PKD1L1: variants seen among roughly 807,000 people sequenced by gnomAD.
The protein encoded by PKD1L1 is polycystin-1-like protein 1.
PKD1L1 carries 236 observed loss-of-function variants against 323.4 expected under a neutral mutation model. That is an observed-to-expected ratio of 0.73 (90% CI 0.66 to 0.81). The LOEUF (loss-of-function observed/expected upper bound fraction) is 0.81, where lower values mean the gene tolerates loss of function less well. Ranked by LOEUF, PKD1L1 falls within the 40% of genes least tolerant of loss-of-function variation. The pLI, the probability that PKD1L1 is intolerant of heterozygous loss-of-function variation, is 0.00. For synonymous variants in PKD1L1, 1,344 were observed against 1,335.0 expected (o/e 1.01, Z -0.15); for missense variants, 3,320 against 3,508.0 (o/e 0.95, Z 1.35).
intron 4 of PKD1L1, among the ~76,000 whole-genome samples, chr7:47,936,395 A>C (rs1787867555): frequency 6.6e-6 from 1 of 152,126 alleles, no homozygotes; most frequent in Non-Finnish European, 1.5e-5. Flanking sequence ...TACTCTAGGG[A>C]CCTCGCATAA....
At chr7:47,957,867 A>ATATATATATATATATATATATATC in the PKD1L1 span, among the ~76,000 whole-genome samples, 1 of 147,558 alleles carries the variant, frequency 6.8e-6, no homozygotes, top group Non-Finnish European at 1.5e-5. Context: ...AAAAAAATAT[A>ATATATATATATATATATATATATC]TATATATATA....
rs377299082 is a variant in PKD1L1, at chr7:47,813,927, T to C, written c.7173+4A>G. The stretch of plus-strand genomic sequence containing the variant: ...TGGAAGCAAAAGGAAAAGGAACATC[T>C]TACCTTGCATAAATGCCTAGGAAAA... On this transcript the variant is annotated splice_donor_region_variant and intron_variant, in intron 48 of 56. Coordinates refer to ENST00000289672, the MANE Select transcript of PKD1L1 (RefSeq NM_138295.5). The C allele has an allele frequency of 6.0e-5, 97 of 1,611,792 alleles. No individual in the cohort carries two copies. Among genetic ancestry groups the C allele is most frequent in the Non-Finnish European group, 8.0e-5 (94 of 1,177,996 alleles).
chr7:47,827,414 T>G lies in PKD1L1; in HGVS notation c.6790A>C (p.Lys2264Gln), dbSNP rs748417163. ...TGTCTGGTGCCCCTCAGCTGGGCCT[T>G]GGATGGTGGATGCGCCCAGCGCAGG... ...RHLRWAHPPS[K>Q]AQLRGTRQRM... The change falls in exon 45 of 57, where the codon AAG becomes CAG. Residue 2264 changes from lysine (K) to glutamine (Q), a missense_variant. Lys to Gln is a moderately conservative substitution (Grantham distance 53). Transcript: ENST00000289672. The G allele has an allele frequency of 1.9e-6, 3 of 1,613,236 alleles. No homozygotes were observed. In the Admixed American group the frequency reaches 5.0e-5, roughly 27 times the overall value.
Position 47,854,881 on chromosome 7 carries a change from C to G in PKD1L1, c.4859+1G>C. ...CATTGTAGCTGTCACCATCAACACA[C>G]CTTACTAGCAACATGACGGGAAATG... On this transcript the variant is annotated splice_donor_variant, in intron 30 of 56. Transcript: ENST00000289672. LOFTEE classifies it high-confidence loss of function. 1 of 1,613,964 alleles carries G rather than the reference C, an allele frequency of 6.2e-7. No individual in the cohort carries two copies. Among genetic ancestry groups the G allele is most frequent in the African/African-American group, 1.3e-5 (1 of 75,038 alleles).
intron 45 of PKD1L1, 101 bp downstream of exon 45, chr7:47,827,249 C>T (rs927196044): frequency 9.1e-7 from 1 of 1,095,912 alleles, no homozygotes; most frequent in South Asian, 1.7e-5. Context: ...CCCCACTCCT[C>T]CAGGAGAACA....
rs567501593 is a variant in PKD1L1 at position 47,860,987 on chromosome 7, G to A, written c.4150-2102C>T. Among the ~76,000 whole-genome samples, 3 of 152,292 alleles carry A rather than the reference G, an allele frequency of 2.0e-5. No homozygotes were observed. In the East Asian group the frequency reaches 5.8e-4, roughly 29 times the overall value. ...GAGGTGTGCACCTGCAGCGCCACAT[G>A]ACCGACAGGCAGCATACCTTCTCCA... On this transcript the variant is annotated intron_variant, in intron 26 of 56. Coordinates refer to ENST00000289672, the MANE Select transcript of PKD1L1 (RefSeq NM_138295.5).
At chr7:47,852,465 C>T (rs546766381) in intron 31 of PKD1L1, among the ~76,000 whole-genome samples, 1 of 152,262 alleles carries the variant, frequency 6.6e-6, no homozygotes, top group South Asian at 2.1e-4. Flanking sequence ...ATGGGTCTGG[C>T]GCACTCACTG....
chr7:47,792,615 G>T lies in PKD1L1; in HGVS notation c.8526+12C>A, dbSNP rs904436860. 4.4e-6 allele frequency: 7 copies of T among 1,573,996 alleles called. No homozygotes were observed. Among genetic ancestry groups the T allele is most frequent in the Non-Finnish European group, 6.0e-6 (7 of 1,158,478 alleles). On this transcript the variant is annotated intron_variant, in intron 56 of 56. Transcript: ENST00000289672. Reference sequence around the variant, plus strand: ...GAAGAAAATTGACATAAATAATTTTGCATGGTCTTACCTCAGCAGCTTGGT... The same window carrying T: ...GAAGAAAATTGACATAAATAATTTTTCATGGTCTTACCTCAGCAGCTTGGT...
chr7:47,936,760 A>T (rs36101306), intron 4 of PKD1L1, 86 bp downstream of exon 4: 36,012 of 1,056,942 alleles, frequency 0.034, 795 homozygotes, highest in South Asian at 0.061. Flanking sequence ...ACAAGCATCG[A>T]CTTTCACATC....
In PKD1L1 at chr7:47,868,008, C is replaced by T. The variant is rs75158351; in HGVS notation, c.3897-1394G>A. Among the ~76,000 whole-genome samples the T allele has an allele frequency of 6.6e-3, 1,000 of 152,204 alleles. 7 individuals are homozygous for T. The highest frequency in any genetic ancestry group is 9.2e-3 in the Non-Finnish European group (623 of 68,004). ...TTTTCTCTCTTCTTATTTAAAAAGC[C>T]ATTGCATAAAGACATTTCTACAGAG... On this transcript the variant is annotated intron_variant, in intron 24 of 56. Transcript: ENST00000289672.
intron 51 of PKD1L1, 106 bp downstream of exon 51, chr7:47,809,367 T>C (rs1382502319): frequency 7.5e-6 from 6 of 796,174 alleles, no homozygotes; most frequent in Non-Finnish European, 1.2e-5. Flanking sequence ...ACTGCAATAA[T>C]GTTGGCAGTA....
At chr7:47,958,015 T>C in the PKD1L1 span, among the ~76,000 whole-genome samples, 2 of 151,930 alleles carry the variant, frequency 1.3e-5, no homozygotes, top group African/African-American at 4.8e-5. Context: ...TAAATGTTCA[T>C]ACCGTCCAAA....
In PKD1L1 at chr7:47,783,350, G is replaced by T. The variant is rs538950129; in HGVS notation, c.8527-8184C>A. Reference sequence around the variant, plus strand: ...ATTAAGATCTACACAGAGTAAAAAAGAAGAGTTTGCTAATTTTTTGAGTAT... The same window carrying T: ...ATTAAGATCTACACAGAGTAAAAAATAAGAGTTTGCTAATTTTTTGAGTAT... On this transcript the variant is annotated intron_variant, in intron 56 of 56. Coordinates refer to ENST00000289672, the MANE Select transcript of PKD1L1 (RefSeq NM_138295.5). Among the ~76,000 whole-genome samples the T allele has an allele frequency of 4.6e-5, 7 of 152,230 alleles. No individual in the cohort carries two copies. In the East Asian group the frequency reaches 1.3e-3, roughly 29 times the overall value.
chr7:47,904,901 T>A (rs1787170442), intron 11 of PKD1L1, among the ~76,000 whole-genome samples: 1 of 152,116 alleles, frequency 6.6e-6, no homozygotes, highest in Non-Finnish European at 1.5e-5. Flanking sequence ...GTCACATGGG[T>A]GGCCGAGATA....
chr7:47,782,586 T>C (rs1028999536), intron 56 of PKD1L1, among the ~76,000 whole-genome samples: 3 of 152,234 alleles, frequency 2.0e-5, no homozygotes, highest in Admixed American at 1.3e-4. Context: ...TCATTCTATA[T>C]TTACTTGAAT....
intron 2 of PKD1L1, among the ~76,000 whole-genome samples, chr7:47,941,127 C>T (rs1445414387): frequency 6.6e-6 from 1 of 152,210 alleles, no homozygotes; most frequent in African/African-American, 2.4e-5. Context: ...CCTGAAGCCC[C>T]CACCCCTCTC....
Position 47,788,549 on chromosome 7 carries a change from C to T in PKD1L1, c.8526+4078G>A, listed in dbSNP as rs142210829. 1.2e-3 allele frequency among the ~76,000 whole-genome samples: 179 copies of T among 146,102 alleles called. 1 individual carries two copies. The highest frequency in any genetic ancestry group is 4.1e-3 in the African/African-American group (163 of 39,782). On this transcript the variant is annotated intron_variant, in intron 56 of 56. Transcript: ENST00000289672. The stretch of plus-strand genomic sequence containing the variant: ...CTGGGATTACAGGTGTGAGCCACCA[C>T]ACCCAGCCCAGTTATATATATATAT...
At chr7:47,920,889 A>G (rs1481465883) in intron 7 of PKD1L1, among the ~76,000 whole-genome samples, 3 of 152,176 alleles carry the variant, frequency 2.0e-5, no homozygotes, top group Non-Finnish European at 2.9e-5. Context: ...ACAAAAATCA[A>G]CTCAAGATGG....
Position 47,908,270 on chromosome 7 carries a change from C to T in PKD1L1, c.1229-20G>A, listed in dbSNP as rs201451133. On this transcript the variant is annotated intron_variant, in intron 8 of 56. Transcript: ENST00000289672. ...CTCCTTCTGGAAAAATAAGAATGAACGGACACTTGATGAATTTTTAATAAC... is the reference window on the plus strand; with the variant it reads ...CTCCTTCTGGAAAAATAAGAATGAATGGACACTTGATGAATTTTTAATAAC... 41 of 1,598,974 alleles carry T rather than the reference C, an allele frequency of 2.6e-5. No individual in the cohort carries two copies. Among genetic ancestry groups the T allele is most frequent in the Admixed American group, 5.1e-5 (3 of 59,098 alleles).
Sources: allele counts gnomAD v4.1 joint callset (sites outside exome capture counted in the v4.1 genomes callset), GRCh38; gene constraint gnomAD v4.1.1; transcripts MANE v1.5; gene names NCBI Gene and HGNC (gene_info 2026-07-23, HGNC 2026-07-21).